Variants in PBX1 observed in about 807,000 individuals in gnomAD.
PBX1 encodes pre-B-cell leukemia transcription factor 1.
In PBX1, 6 loss-of-function variants were observed where a neutral mutation model predicts 53.4. That is an observed-to-expected ratio of 0.11 (90% CI 0.06 to 0.22). The LOEUF (loss-of-function observed/expected upper bound fraction) is 0.22. PBX1 is among the 10% of genes least tolerant of loss of function. PBX1 has a pLI of 1.00. For missense variants in PBX1, 251 were observed against 551.4 expected, an observed-to-expected ratio of 0.46 and a Z score of 5.46; for synonymous variants, 204 against 212.3, an observed-to-expected ratio of 0.96 and a Z score of 0.34.
At chr1:164,740,475 T>C (rs1323098211) in intron 2 of PBX1, among the ~76,000 whole-genome samples, 1 of 152,132 alleles carries the variant, frequency 6.6e-6, no homozygotes, top group Non-Finnish European at 1.5e-5. Context: ...TAGGCCACCA[T>C]ATCAGAGTGG....
intron 8 of PBX1, among the ~76,000 whole-genome samples, chr1:164,832,332 G>A (rs1670810000): frequency 2.0e-5 from 3 of 152,136 alleles, no homozygotes; most frequent in Non-Finnish European, 2.9e-5. Context: ...GAAGGCTTAC[G>A]ACTAGTTCAT....
At chr1:164,624,573 A>G (rs577648297) in intron 2 of PBX1, among the ~76,000 whole-genome samples, 4 of 152,340 alleles carry the variant, frequency 2.6e-5, no homozygotes, top group Admixed American at 6.5e-5. Context: ...TAGTAAATTC[A>G]TGCACATACC....
chr1:164,849,274 C>T lies in PBX1; in HGVS notation c.*2598C>T. 3 of 1,531,940 alleles carry T rather than the reference C, an allele frequency of 2.0e-6. No individual in the cohort carries two copies. The highest frequency in any genetic ancestry group is 2.6e-6 in the Non-Finnish European group (3 of 1,144,198). The allele number at this position is 1,531,940 out of a possible 1,614,324, so 94.9% of individuals were successfully genotyped here. The stretch of plus-strand genomic sequence containing the variant: ...CAGTTTCTCTCCGGGCCGTAGTTTT[C>T]ACTGATGATCACCTTTCACAGCATT... On this transcript the variant is annotated 3_prime_UTR_variant, in exon 9 of 9. Transcript: ENST00000420696.
At chr1:164,580,763 G>A (rs973705806) in intron 2 of PBX1, among the ~76,000 whole-genome samples, 33 of 151,232 alleles carry the variant, frequency 2.2e-4, no homozygotes, top group African/African-American at 7.8e-4. Context: ...GTTTTTAGTA[G>A]AGACGGGGTT....
At chr1:164,865,930 C>G (rs1014478722) in intron 2 of PBX1, among the ~76,000 whole-genome samples, 2 of 152,088 alleles carry the variant, frequency 1.3e-5, no homozygotes, top group African/African-American at 2.4e-5. Context: ...TCAGACATTT[C>G]AAAGAAATAA....
At chr1:164,622,315 C>T (rs192174206) in intron 2 of PBX1, among the ~76,000 whole-genome samples, 51 of 152,234 alleles carry the variant, frequency 3.4e-4, no homozygotes, top group South Asian at 2.1e-4. Context: ...AGGATGCTTC[C>T]GGTGGATCTG....
intron 2 of PBX1, chr1:164,682,859 C>CCGTT: frequency 1.9e-5 from 1 of 53,082 alleles, no homozygotes; most frequent in East Asian, 4.9e-4. Flanking sequence ...CCTCATACCT[C>CCGTT]CCTTCCTTGC....
intron 8 of PBX1, among the ~76,000 whole-genome samples, chr1:164,827,615 C>A (rs1670535491): frequency 6.6e-6 from 1 of 152,146 alleles, no homozygotes; most frequent in African/African-American, 2.4e-5. Flanking sequence ...GCCTTTAAAC[C>A]TAGCACCATA....
chr1:164,786,553 G>C (rs1245021411), intron 2 of PBX1, among the ~76,000 whole-genome samples: 1 of 152,144 alleles, frequency 6.6e-6, no homozygotes, highest in Non-Finnish European at 1.5e-5. Context: ...GAGGTAATGG[G>C]AAAGGACCAG....
chr1:164,739,787 G>A (rs976640265), intron 2 of PBX1, among the ~76,000 whole-genome samples: 1 of 142,186 alleles, frequency 7.0e-6, no homozygotes, highest in African/African-American at 2.6e-5. Flanking sequence ...GTGTGTGTGT[G>A]TGTATGTATA....
At chr1:164,569,563 CATT>C (rs1350965551) in intron 2 of PBX1, among the ~76,000 whole-genome samples, 2 of 106,532 alleles carry the variant, frequency 1.9e-5, no homozygotes, top group Admixed American at 2.0e-4. Flanking sequence ...TTTTTCCTTG[CATT>C]TTTTTTTTTT....
chr1:164,643,131 C>T (rs1006222855), intron 2 of PBX1, among the ~76,000 whole-genome samples: 1 of 152,100 alleles, frequency 6.6e-6, no homozygotes, highest in African/African-American at 2.4e-5. Context: ...AGTGATTTCA[C>T]CAAGGATGAT....
At chr1:164,798,826 G>A (rs1668914282) in intron 3 of PBX1, among the ~76,000 whole-genome samples, 1 of 152,168 alleles carries the variant, frequency 6.6e-6, no homozygotes, top group Non-Finnish European at 1.5e-5. Context: ...TAGACATAGT[G>A]GATCTTCAGA....
intron 2 of PBX1, among the ~76,000 whole-genome samples, chr1:164,569,916 G>A (rs1032090900): frequency 1.3e-5 from 2 of 152,130 alleles, no homozygotes; most frequent in Non-Finnish European, 2.9e-5. Flanking sequence ...AAAAGTCTGG[G>A]ACAGATTGGA....
intron 2 of PBX1, among the ~76,000 whole-genome samples, chr1:164,735,069 C>T (rs910824197): frequency 3.9e-5 from 6 of 152,100 alleles, no homozygotes; most frequent in East Asian, 1.9e-4. Flanking sequence ...CACTATACTG[C>T]GTAAGCTATA....
In PBX1 at chr1:164,704,159, A is replaced by G. The variant is rs1663290968; in HGVS notation, c.266-88335A>G. Among the ~76,000 whole-genome samples, 2 of 152,236 alleles carry G rather than the reference A, an allele frequency of 1.3e-5. 1 individual carries two copies. Among genetic ancestry groups the G allele is most frequent in the South Asian group, 4.1e-4 (2 of 4,828 alleles). On this transcript the variant is annotated intron_variant, in intron 2 of 8. Transcript: ENST00000420696. ...AAGTAGTCTTGCTTTCGCTGACAGT[A>G]CAAAGGTGTCATATACAAGAAGGAT...
intron 1 of PBX1, among the ~76,000 whole-genome samples, chr1:164,562,040 G>T (rs1653090114): frequency 6.6e-6 from 1 of 151,722 alleles, no homozygotes; most frequent in African/African-American, 2.4e-5. Flanking sequence ...TTAGTAGATA[G>T]TATGTCCTTT....
intron 2 of PBX1, among the ~76,000 whole-genome samples, chr1:164,662,405 G>A (rs1183837992): frequency 6.6e-6 from 1 of 152,180 alleles, no homozygotes; most frequent in Non-Finnish European, 1.5e-5. Flanking sequence ...AGGAGACAGG[G>A]TGTAGGCAGA....
intron 6 of PBX1, chr1:164,818,114 A>G (rs1266565411): frequency 6.6e-6 from 1 of 152,246 alleles, no homozygotes; most frequent in Admixed American, 6.5e-5. Flanking sequence ...GTAATACATT[A>G]CAAAATGACT....
Sources: gnomAD v4.1 joint callset for allele counts (sites outside exome capture counted in the v4.1 genomes callset) on GRCh38, gnomAD v4.1.1 for gene constraint, MANE v1.5 for transcripts, NCBI Gene and HGNC (gene_info 2026-07-23, HGNC 2026-07-21) for gene names.